The following PCDHGA2 variants were observed in gnomAD, a reference collection of about 807,000 sequenced individuals.
PCDHGA2 encodes protocadherin gamma-A2.
In PCDHGA2, 40 loss-of-function variants were observed where a neutral mutation model predicts 59.2. That is an observed-to-expected ratio of 0.68 (90% CI 0.52 to 0.88). The LOEUF is 0.88. Among genes scored for constraint, PCDHGA2 ranks in the 40% least tolerant of loss-of-function variants. The pLI is 0.00. For missense variants in PCDHGA2, 1,226 were observed against 1,204.0 expected (o/e 1.02, Z -0.27); for synonymous variants, 560 against 526.0 (o/e 1.06, Z -0.89).
intron 1 of PCDHGA2, among the ~76,000 whole-genome samples, chr5:141,471,998 A>T (rs938492822): frequency 5.3e-5 from 8 of 152,276 alleles, no homozygotes; most frequent in South Asian, 2.1e-4. Context: ...AAATCCCTGC[A>T]TCGTATAGGG....
Position 141,502,866 on chromosome 5 carries a change from C to CTTTTTTTTTTTTT in PCDHGA2, c.2484-2525_2484-2513dup, listed in dbSNP as rs549047197. ...GAGCTGCCTAACCCTGACTCTCTGT[C>CTTTTTTTTTTTTT]TTTTTTTTTTTTTTGACAGGGAGTC... On this transcript the variant is annotated intron_variant, in intron 2 of 3. Transcript: ENST00000394576. Among the ~76,000 whole-genome samples, 40 of 128,010 alleles carry CTTTTTTTTTTTTT rather than the reference C, an allele frequency of 3.1e-4. 6 individuals carry two copies. The highest frequency in any genetic ancestry group is 5.1e-4 in the Admixed American group (6 of 11,656). 84.0% of individuals were successfully genotyped at this position (128,010 alleles called of 152,430 possible). A position where few individuals can be genotyped will look rare whatever the true frequency, so the allele number is the denominator to read the frequency against.
At chr5:141,415,026 G>A in intron 1 of PCDHGA2, 1 of 1,613,590 alleles carries the variant, frequency 6.2e-7, no homozygotes, top group Non-Finnish European at 8.5e-7. Flanking sequence ...AGGCCAGCGA[G>A]CCGGGACTCT....
At position 141,444,986 on chromosome 5, in the gene PCDHGA2, T is replaced by C. The variant is rs990862582; in HGVS notation, c.2425-49821T>C. On this transcript the variant is annotated intron_variant, in intron 1 of 3. Transcript: ENST00000394576. ...TGACACTTCAAATCCATGAACATGG[T>C]ATATATTTCCATTTAATTAGGTCTT... Among the ~76,000 whole-genome samples, 4 of 152,206 alleles carry C rather than the reference T, an allele frequency of 2.6e-5. No individual in the cohort carries two copies. The East Asian group carries it at 7.7e-4, about 29-fold the overall frequency.
rs370015318 is a variant in PCDHGA2 at position 141,371,900 on chromosome 5, G to A, written c.2424+30505G>A. 5 of 1,613,260 alleles carry A rather than the reference G, an allele frequency of 3.1e-6. No homozygotes were observed. In the African/African-American group the frequency reaches 5.3e-5, roughly 17 times the overall value. On this transcript the variant is annotated intron_variant, in intron 1 of 3. Transcript: ENST00000394576. ...GTGACCTGGAGCCGCGGGAGCTGTC[G>A]TCCTACGTGTCCGTGAGCGCGCGGA...
chr5:141,403,540 G>A (rs752983401), intron 1 of PCDHGA2: 2 of 1,613,886 alleles, frequency 1.2e-6, no homozygotes, highest in African/African-American at 2.7e-5. Context: ...AGCTGGTGCT[G>A]GAGCGCGCCC....
intron 1 of PCDHGA2, chr5:141,418,737 C>G (rs768683069): frequency 6.2e-7 from 1 of 1,613,842 alleles, no homozygotes; most frequent in African/African-American, 1.3e-5. Context: ...CACGTGTTCT[C>G]TCTGGATTAC....
intron 1 of PCDHGA2, chr5:141,427,415 T>G: frequency 2.1e-6 from 1 of 465,414 alleles, no homozygotes; most frequent in Non-Finnish European, 4.3e-6. Context: ...CGAGAGAAAA[T>G]GGGGAGGTTA....
chr5:141,354,771 A>G (rs771392037), intron 1 of PCDHGA2, among the ~76,000 whole-genome samples: 7 of 152,246 alleles, frequency 4.6e-5, no homozygotes, highest in Non-Finnish European at 8.8e-5. Flanking sequence ...TAGGAAAAAA[A>G]TCGTCATATT....
Position 141,490,483 on chromosome 5 carries a change from G to A in PCDHGA2, c.2425-4324G>A. On this transcript the variant is annotated intron_variant, in intron 1 of 3. Transcript: ENST00000394576. The surrounding 1 kb of genome is among the most constrained non-coding windows in gnomAD (Gnocchi z 5.4). ...GCTAACCAGCCAGCCTTTGGACCGG[G>A]AGGCCACATCCCACTATATCATCGA... 2.5e-6 allele frequency: 4 copies of A among 1,614,198 alleles called. No individual in the cohort carries two copies. Among genetic ancestry groups the A allele is most frequent in the Non-Finnish European group, 3.4e-6 (4 of 1,180,046 alleles).
At chr5:141,483,801 C>CT (rs1486591615) in intron 1 of PCDHGA2, among the ~76,000 whole-genome samples, 8 of 152,168 alleles carry the variant, frequency 5.3e-5, no homozygotes, top group Non-Finnish European at 8.8e-5. Flanking sequence ...GTTGTTGCTG[C>CT]TTTTTTTGGC....
Position 141,340,174 on chromosome 5 carries a change from C to G in PCDHGA2, c.1203C>G (p.Tyr401Ter). ...PFKLEKSVDNYYRLVTTRALD... is the reference protein window; with the variant it reads ...PFKLEKSVDN The stretch of plus-strand genomic sequence containing the variant: ...AGTTAGAAAAGTCAGTAGACAATTA[C>G]TACCGACTGGTTACAACCAGAGCCC... The change falls in exon 1 of 4, where the codon TAC (tyrosine) becomes TAG (stop). Residue 401 changes from tyrosine to a stop codon, truncating the protein, a stop_gained. Transcript: ENST00000394576. LOFTEE classifies it high-confidence loss of function. 2 of 1,614,214 alleles carry G rather than the reference C, an allele frequency of 1.2e-6. No individual in the cohort carries two copies. The highest frequency in any genetic ancestry group is 1.7e-6 in the Non-Finnish European group (2 of 1,180,032).
chr5:141,375,730 C>G (rs763067110), intron 1 of PCDHGA2: 3 of 1,614,266 alleles, frequency 1.9e-6, no homozygotes, highest in Non-Finnish European at 2.5e-6. Context: ...TGTCACTGAG[C>G]CTGTTTGTGC....
At chr5:141,392,891 C>G in intron 1 of PCDHGA2, 1 of 1,613,594 alleles carries the variant, frequency 6.2e-7, no homozygotes, top group Non-Finnish European at 8.5e-7. Context: ...TGTGGGAAAT[C>G]GGGAGGGGAC....
intron 1 of PCDHGA2, chr5:141,410,517 C>T: frequency 6.2e-7 from 1 of 1,613,926 alleles, no homozygotes; most frequent in Non-Finnish European, 8.5e-7. Flanking sequence ...TGCAGTGTGC[C>T]CCTACATTCC....
intron 1 of PCDHGA2, chr5:141,403,476 A>T: frequency 6.2e-7 from 1 of 1,613,972 alleles, no homozygotes; most frequent in Non-Finnish European, 8.5e-7. Flanking sequence ...CTCAGCCCCA[A>T]TCACCACTTC....
At chr5:141,365,248 A>G in intron 1 of PCDHGA2, 5 of 1,613,892 alleles carry the variant, frequency 3.1e-6, no homozygotes, top group Non-Finnish European at 4.2e-6. Flanking sequence ...CTCTACAATC[A>G]CTGGACTATG....
At chr5:141,349,996 A>G (rs1758386026) in intron 1 of PCDHGA2, 1 of 329,726 alleles carries the variant, frequency 3.0e-6, no homozygotes, top group Non-Finnish European at 5.5e-6. Flanking sequence ...CTTTGAGGAT[A>G]AAAAGCTGGG....
intron 1 of PCDHGA2, among the ~76,000 whole-genome samples, chr5:141,469,642 A>G (rs1339074059): frequency 2.0e-5 from 3 of 152,244 alleles, no homozygotes; most frequent in Admixed American, 6.5e-5. Flanking sequence ...AAATATTTTG[A>G]TGACATAATT....
intron 1 of PCDHGA2, among the ~76,000 whole-genome samples, chr5:141,436,517 G>A (rs1398225419): frequency 1.3e-5 from 2 of 152,130 alleles, no homozygotes; most frequent in African/African-American, 4.8e-5. Flanking sequence ...TGTTAACTGT[G>A]TCACCTTTAG....
Sources: allele counts gnomAD v4.1 joint callset (sites outside exome capture counted in the v4.1 genomes callset), GRCh38; gene constraint gnomAD v4.1.1; non-coding constraint Gnocchi (gnomAD v3.1); transcripts MANE v1.5; gene names NCBI Gene and HGNC (gene_info 2026-07-23, HGNC 2026-07-21).